Variants in LIMD1 observed in about 807,000 individuals in gnomAD.
LIMD1 encodes the protein LIM domain-containing protein 1.
LIMD1 carries 23 observed loss-of-function variants against 58.4 expected under a neutral mutation model. The observed-to-expected ratio is 0.39, with a 90% CI of 0.28 to 0.56. The LOEUF (loss-of-function observed/expected upper bound fraction) is 0.56, where lower values mean the gene tolerates loss of function less well. LIMD1 is among the 20% of genes least tolerant of loss of function. LIMD1 has a pLI of 0.57. For synonymous variants in LIMD1, 334 were observed against 345.5 expected (o/e 0.97, Z 0.37); for missense variants, 838 against 855.5 (o/e 0.98, Z 0.25).
At chr3:45,605,290 C>T (rs1284352960) in intron 1 of LIMD1, among the ~76,000 whole-genome samples, 4 of 152,248 alleles carry the variant, frequency 2.6e-5, no homozygotes, top group African/African-American at 9.6e-5. Flanking sequence ...AGAGGCCAAG[C>T]GGCCTGGCAT....
At chr3:45,647,939 T>C (rs1701923265) in intron 2 of LIMD1, among the ~76,000 whole-genome samples, 1 of 152,168 alleles carries the variant, frequency 6.6e-6, no homozygotes, top group African/African-American at 2.4e-5. Flanking sequence ...CCCAGGTGAA[T>C]ATCACTCTCC....
At chr3:45,673,854 C>T in intron 6 of LIMD1, 1 of 283,810 alleles carries the variant, frequency 3.5e-6, no homozygotes, top group Non-Finnish European at 6.7e-6. Flanking sequence ...GGTGCTACTG[C>T]ATTCCAGCAG....
chr3:45,602,213 G>T (rs935964109), intron 1 of LIMD1, among the ~76,000 whole-genome samples: 2 of 152,146 alleles, frequency 1.3e-5, no homozygotes, highest in African/African-American at 2.4e-5. Context: ...CTCCCAAAGT[G>T]CTGGGATTAT....
At position 45,626,849 on chromosome 3, in the gene LIMD1, T is replaced by C. The variant is rs555380292; in HGVS notation, c.1409-9301T>C. 5.3e-5 allele frequency among the ~76,000 whole-genome samples: 8 copies of C among 151,366 alleles called. No individual in the cohort carries two copies. The South Asian group carries it at 1.7e-3, about 32-fold the overall frequency. ...TGTGAGGAAGGGGATATATGGAAAT[T>C]CTCTGTAGCTTTTGCTCAGTTTTGC... is the stretch of plus-strand genomic sequence containing the variant. On this transcript the variant is annotated intron_variant, in intron 1 of 7. Transcript: ENST00000273317.
rs998611558 is a variant in LIMD1 at position 45,678,717 on chromosome 3, C to T, written c.*1658C>T. On this transcript the variant is annotated 3_prime_UTR_variant, in exon 8 of 8. Coordinates refer to ENST00000273317, the MANE Select transcript of LIMD1 (RefSeq NM_014240.3). ...GCTGCAGAGGCCGGTCAGTGGAGCCCCTAGCACGTGTGAACTCAGGCTTTT... is the reference window on the plus strand; with the variant it reads ...GCTGCAGAGGCCGGTCAGTGGAGCCTCTAGCACGTGTGAACTCAGGCTTTT... 1.3e-5 allele frequency: 2 copies of T among 152,232 alleles called. No homozygotes were observed. Among genetic ancestry groups the T allele is most frequent in the Non-Finnish European group, 2.9e-5 (2 of 68,060 alleles). The allele number at this position is 152,232 out of a possible 1,614,324, so 9.4% of individuals were successfully genotyped here.
chr3:45,684,688 C>A lies in LIMD1; in HGVS notation c.*7629C>A, dbSNP rs1697788939. On this transcript the variant is annotated 3_prime_UTR_variant, in exon 8 of 8. Transcript: ENST00000273317. ...TGACCAGGTGTGCCATTTACATAGC[C>A]CTCGAAGAAACTGGCCATTCCACCT... is the stretch of plus-strand genomic sequence containing the variant. The A allele has an allele frequency of 6.6e-6, 1 of 152,134 alleles. No homozygotes were observed. The highest frequency in any genetic ancestry group is 2.1e-4 in the South Asian group (1 of 4,828). 9.4% of individuals were successfully genotyped at this position (152,134 alleles called of 1,614,324 possible).
At chr3:45,628,014 A>AAAAAAAG (rs1553644004) in intron 1 of LIMD1, among the ~76,000 whole-genome samples, 1 of 147,664 alleles carries the variant, frequency 6.8e-6, no homozygotes, top group Admixed American at 6.7e-5. Flanking sequence ...TCTCAAAAAA[A>AAAAAAAG]AAAAAGAAAA....
chr3:45,625,948 G>A (rs1701665382), intron 1 of LIMD1, among the ~76,000 whole-genome samples: 1 of 152,186 alleles, frequency 6.6e-6, no homozygotes, highest in African/African-American at 2.4e-5. Context: ...ATTTGGCTCA[G>A]TAAGCTTATT....
chr3:45,669,866 T>C (rs907548914), intron 4 of LIMD1, among the ~76,000 whole-genome samples: 2 of 152,218 alleles, frequency 1.3e-5, no homozygotes, highest in African/African-American at 4.8e-5. Context: ...TGCATGAAGC[T>C]GCTGTGAATA....
intron 1 of LIMD1, among the ~76,000 whole-genome samples, chr3:45,627,488 G>A (rs1279748986): frequency 6.6e-6 from 1 of 152,138 alleles, no homozygotes; most frequent in Non-Finnish European, 1.5e-5. Flanking sequence ...CACTTGTGAT[G>A]TTTAATAAAT....
intron 1 of LIMD1, among the ~76,000 whole-genome samples, chr3:45,619,253 C>G (rs542024028): frequency 7.6e-4 from 115 of 152,252 alleles, no homozygotes; most frequent in Non-Finnish European, 1.4e-3. Context: ...AAGCAGTCCT[C>G]CCGCTTCAGC....
intron 1 of LIMD1, among the ~76,000 whole-genome samples, chr3:45,623,867 A>G (rs754191026): frequency 6.6e-6 from 1 of 152,180 alleles, no homozygotes; most frequent in Non-Finnish European, 1.5e-5. Context: ...CTCTGGAGGT[A>G]GTGTTGGGCA....
chr3:45,614,141 C>T (rs1321985539), intron 1 of LIMD1, among the ~76,000 whole-genome samples: 2 of 151,978 alleles, frequency 1.3e-5, no homozygotes, highest in East Asian at 3.9e-4. Flanking sequence ...GGCTGTGAGC[C>T]CATCACTATT....
intron 1 of LIMD1, among the ~76,000 whole-genome samples, chr3:45,615,297 T>C (rs937797710): frequency 1.3e-5 from 2 of 152,228 alleles, no homozygotes; most frequent in African/African-American, 4.8e-5. Flanking sequence ...GCTGTTACTC[T>C]CCATTGAAGA....
At chr3:45,628,015 A>AAAAG (rs1559518130) in intron 1 of LIMD1, among the ~76,000 whole-genome samples, 3 of 149,614 alleles carry the variant, frequency 2.0e-5, no homozygotes. Context: ...CTCAAAAAAA[A>AAAAG]AAAAGAAAAA....
intron 1 of LIMD1, chr3:45,634,868 A>T (rs991403193): frequency 6.6e-6 from 1 of 152,278 alleles, no homozygotes; most frequent in South Asian, 2.1e-4. Context: ...ACACCCAGAG[A>T]GCTGATCACC....
intron 3 of LIMD1, among the ~76,000 whole-genome samples, chr3:45,666,407 T>C (rs956315127): frequency 3.3e-5 from 5 of 152,178 alleles, no homozygotes; most frequent in African/African-American, 1.2e-4. Flanking sequence ...AGAGGCCTTA[T>C]AGGGCATAAA....
At chr3:45,636,867 A>G (rs778713005) in intron 2 of LIMD1, among the ~76,000 whole-genome samples, 3 of 152,344 alleles carry the variant, frequency 2.0e-5, no homozygotes, top group Non-Finnish European at 2.9e-5. Flanking sequence ...ATGGATGGCA[A>G]CCGCTCCCCG....
chr3:45,605,213 T>G (rs528942831), intron 1 of LIMD1, among the ~76,000 whole-genome samples: 172 of 152,354 alleles, frequency 1.1e-3, no homozygotes, highest in Middle Eastern at 0.01. Context: ...ATGCCTGGGT[T>G]TCAGCTAACC....
Sources: gnomAD v4.1 joint callset for allele counts (sites outside exome capture counted in the v4.1 genomes callset) on GRCh38, gnomAD v4.1.1 for gene constraint, MANE v1.5 for transcripts, NCBI Gene and HGNC (gene_info 2026-07-23, HGNC 2026-07-21) for gene names.